SLC9A2: variants seen among roughly 807,000 people sequenced by gnomAD.
SLC9A2 encodes solute carrier family 9 member A2, also known as sodium/hydrogen exchanger 2.
In SLC9A2, 42 loss-of-function variants were observed where a neutral mutation model predicts 71.7. The ratio of observed to expected loss-of-function variants is 0.59; its 90% CI spans 0.46 to 0.76. The LOEUF (loss-of-function observed/expected upper bound fraction) is 0.76. Among genes scored for constraint, SLC9A2 ranks in the 30% least tolerant of loss-of-function variants. The pLI is 0.00. For missense variants in SLC9A2, 829 were observed against 1,017.4 expected (o/e 0.81, Z 2.52); for synonymous variants, 396 against 392.5 (o/e 1.01, Z -0.10).
chr2:102,664,273 C>CAAAAAAAA (rs879751313), intron 2 of SLC9A2, among the ~76,000 whole-genome samples: 1 of 98,146 alleles, frequency 1.0e-5, no homozygotes. Context: ...GAGTGAGACT[C>CAAAAAAAA]AAAAAAAAAA....
chr2:102,672,125 T>A (rs1298796089), intron 3 of SLC9A2, among the ~76,000 whole-genome samples: 1 of 151,846 alleles, frequency 6.6e-6, no homozygotes, highest in African/African-American at 2.4e-5. Context: ...ATAATAATAA[T>A]AAAAATAAAT....
chr2:102,669,825 T>C (rs930718975), intron 3 of SLC9A2, among the ~76,000 whole-genome samples: 4 of 152,072 alleles, frequency 2.6e-5, no homozygotes, highest in Admixed American at 2.6e-4. Context: ...AAGTTTGTTA[T>C]CCACTTTTGG....
At chr2:102,635,896 T>C (rs1444777457) in intron 1 of SLC9A2, among the ~76,000 whole-genome samples, 2 of 152,168 alleles carry the variant, frequency 1.3e-5, no homozygotes, top group Admixed American at 6.5e-5. Context: ...TTCTTTTTTT[T>C]TTTTTGATCT....
rs183219179 is a variant in SLC9A2 at position 102,684,022 on chromosome 2, G to A, written c.1223-112G>A. 96 of 733,822 alleles carry A rather than the reference G, an allele frequency of 1.3e-4. No individual in the cohort carries two copies. The African/African-American group carries it at 1.3e-3, about 10-fold the overall frequency. 45.5% of individuals were successfully genotyped at this position (733,822 alleles called of 1,614,324 possible). A position where few individuals can be genotyped will look rare whatever the true frequency, so the allele number is the denominator to read the frequency against. Reference sequence around the variant, plus strand: ...AGAGAAAAAGGGGAAAGACTTTGGGGCCTATTCTTAAATCCTTTGTCCCCA... The same window carrying A: ...AGAGAAAAAGGGGAAAGACTTTGGGACCTATTCTTAAATCCTTTGTCCCCA... On this transcript the variant is annotated intron_variant, in intron 4 of 11. Transcript: ENST00000233969.
At chr2:102,688,082 G>A (rs962552198) in intron 5 of SLC9A2, among the ~76,000 whole-genome samples, 28 of 152,256 alleles carry the variant, frequency 1.8e-4, no homozygotes, top group African/African-American at 6.0e-4. Flanking sequence ...ATGCCCGGCC[G>A]TGGAATATTG....
At chr2:102,677,871 A>T (rs1677371448) in intron 3 of SLC9A2, among the ~76,000 whole-genome samples, 1 of 152,214 alleles carries the variant, frequency 6.6e-6, no homozygotes, top group East Asian at 1.9e-4. Context: ...AACTTCTTTC[A>T]TCCTTCCTCA....
At chr2:102,672,462 T>C (rs1257077721) in intron 3 of SLC9A2, among the ~76,000 whole-genome samples, 2 of 152,068 alleles carry the variant, frequency 1.3e-5, no homozygotes, top group African/African-American at 4.8e-5. Context: ...AAATAAGTCA[T>C]GAAAAGATGG....
intron 7 of SLC9A2, among the ~76,000 whole-genome samples, 182 bp downstream of exon 7, chr2:102,695,295 G>T (rs1677734671): frequency 6.6e-6 from 1 of 152,138 alleles, no homozygotes; most frequent in Non-Finnish European, 1.5e-5. Context: ...CAAGGTAAAA[G>T]CTTATTTCCC....
chr2:102,663,761 G>GAAAA (rs1677087458), intron 2 of SLC9A2, among the ~76,000 whole-genome samples: 1 of 152,174 alleles, frequency 6.6e-6, no homozygotes, highest in Non-Finnish European at 1.5e-5. Flanking sequence ...GATTCCAGGT[G>GAAAA]CTCCCAGAGT....
chr2:102,628,761 C>T (rs920771063), intron 1 of SLC9A2, among the ~76,000 whole-genome samples: 3 of 151,986 alleles, frequency 2.0e-5, no homozygotes, highest in Non-Finnish European at 2.9e-5. Flanking sequence ...GTTGCCTTGG[C>T]CGCTCTCAAA....
intron 9 of SLC9A2, among the ~76,000 whole-genome samples, chr2:102,703,145 A>G (rs1467852096): frequency 2.0e-5 from 3 of 152,192 alleles, no homozygotes; most frequent in Non-Finnish European, 4.4e-5. Flanking sequence ...CTGTTTCAGC[A>G]GCTTCTTAGC....
At position 102,684,288 on chromosome 2, in the gene SLC9A2, G is replaced by A; in HGVS notation, c.1377G>A (p.Leu459=). The A allele has an allele frequency of 1.2e-6, 2 of 1,614,130 alleles. No homozygotes were observed. The highest frequency in any genetic ancestry group is 1.7e-6 in the Non-Finnish European group (2 of 1,180,012). Reference sequence around the variant, plus strand: ...CTGCTGTGTTTCCTCGGAAAAAATTGTTTATTACGGCTGCCATTGTTGTCA... The same window carrying A: ...CTGCTGTGTTTCCTCGGAAAAAATTATTTATTACGGCTGCCATTGTTGTCA... ...LPAAVFPRKK[L]FITAAIVVIF... The change falls in exon 5 of 12, where the codon TTG becomes TTA. Residue 459 remains leucine, a synonymous_variant. Transcript: ENST00000233969.
rs1678083672 is a variant in SLC9A2 at position 102,710,439 on chromosome 2, A to G, written c.*1950A>G. ...TAATTTTTCCCAGTTTCCTATGTTTATAACTATTATAAAGAGTTTAACTTT... is the reference window on the plus strand; with the variant it reads ...TAATTTTTCCCAGTTTCCTATGTTTGTAACTATTATAAAGAGTTTAACTTT... On this transcript the variant is annotated 3_prime_UTR_variant, in exon 12 of 12. Coordinates refer to ENST00000233969, the MANE Select transcript of SLC9A2 (RefSeq NM_003048.6). The G allele has an allele frequency of 7.0e-6, 1 of 142,706 alleles. No homozygotes were observed. The highest frequency in any genetic ancestry group is 1.6e-5 in the Non-Finnish European group (1 of 62,354). The allele number at this position is 142,706 out of a possible 1,614,324, so 8.8% of individuals were successfully genotyped here.
Position 102,665,314 on chromosome 2 carries a change from T to G in SLC9A2, c.968T>G (p.Ile323Ser). The change falls in exon 3 of 12, where the codon ATC (isoleucine) becomes AGC (serine). Residue 323 changes from isoleucine to serine, a missense_variant. Around this residue, in one of 3 missense-constraint regions of SLC9A2, gnomAD observed 500 missense variants for 726.3 expected, o/e 0.69. Transcript: ENST00000233969. ...TTCCTGTACAGTTATTTGTCCTACA[T>G]CACAGCTGAAATGTTTCACCTCTCA... Reference protein sequence around the residue: ...FVFLYSYLSYITAEMFHLSGI... With the variant: ...FVFLYSYLSYSTAEMFHLSGI... The G allele has an allele frequency of 6.2e-7, 1 of 1,613,972 alleles. No individual in the cohort carries two copies. Among genetic ancestry groups the G allele is most frequent in the South Asian group, 1.1e-5 (1 of 91,076 alleles).
At position 102,708,587 on chromosome 2, in the gene SLC9A2, T is replaced by C; in HGVS notation, c.*98T>C. ...ACAGTGGAATCCATGTAAAACTCTC[T>C]GTGCATCTAAATACTTCTGGAGGGC... On this transcript the variant is annotated 3_prime_UTR_variant, in exon 12 of 12. Coordinates refer to ENST00000233969, the MANE Select transcript of SLC9A2 (RefSeq NM_003048.6). 2 of 1,385,254 alleles carry C rather than the reference T, an allele frequency of 1.4e-6. No homozygotes were observed. Among genetic ancestry groups the C allele is most frequent in the Non-Finnish European group, 2.0e-6 (2 of 1,015,306 alleles). The allele number at this position is 1,385,254 out of a possible 1,614,324, so 85.8% of individuals were successfully genotyped here. A position where few individuals can be genotyped will look rare whatever the true frequency, so the allele number is the denominator to read the frequency against.
chr2:102,673,667 A>G lies in SLC9A2; in HGVS notation c.1004+8317A>G, dbSNP rs185324794. 4.5e-3 allele frequency among the ~76,000 whole-genome samples: 687 copies of G among 152,250 alleles called. 6 individuals carry two copies. Among genetic ancestry groups the G allele is most frequent in the African/African-American group, 0.016 (651 of 41,546 alleles). Reference sequence around the variant, plus strand: ...ATGCTTATTTTTTAAAAAGGATGATATCCTTTCTGGCCTATATTTCAAGAA... The same window carrying G: ...ATGCTTATTTTTTAAAAAGGATGATGTCCTTTCTGGCCTATATTTCAAGAA... On this transcript the variant is annotated intron_variant, in intron 3 of 11. Coordinates refer to ENST00000233969, the MANE Select transcript of SLC9A2 (RefSeq NM_003048.6).
At chr2:102,694,344 A>G in intron 5 of SLC9A2, 70 bp from the exon 6 acceptor site, 2 of 514,286 alleles carry the variant, frequency 3.9e-6, no homozygotes, top group East Asian at 4.7e-5. Flanking sequence ...TTATATTAAA[A>G]TTTTTATATT....
chr2:102,700,809 A>G (rs1677857839), intron 7 of SLC9A2, among the ~76,000 whole-genome samples: 1 of 152,192 alleles, frequency 6.6e-6, no homozygotes, highest in South Asian at 2.1e-4. Context: ...TCATATATAC[A>G]TATATGTGTA....
At chr2:102,676,610 A>G (rs1006781981) in intron 3 of SLC9A2, among the ~76,000 whole-genome samples, 8 of 152,228 alleles carry the variant, frequency 5.3e-5, no homozygotes, top group Non-Finnish European at 1.2e-4. Flanking sequence ...GTTTTAAAAA[A>G]CAATTGTTGT....
Sources: allele counts gnomAD v4.1 joint callset (sites outside exome capture counted in the v4.1 genomes callset), GRCh38; gene constraint gnomAD v4.1.1; regional missense constraint gnomAD v4.1.1; transcripts MANE v1.5; gene names NCBI Gene and HGNC (gene_info 2026-07-23, HGNC 2026-07-21).